GALNT13: variants seen among roughly 807,000 people sequenced by gnomAD.
GALNT13 encodes the protein polypeptide N-acetylgalactosaminyltransferase 13.
In GALNT13, 28 loss-of-function variants were observed where a neutral mutation model predicts 64.2. The observed-to-expected ratio is 0.44, with a 90% CI of 0.32 to 0.60. GALNT13 has a LOEUF of 0.60. Ranked by LOEUF, GALNT13 falls within the 20% of genes least tolerant of loss-of-function variation. GALNT13 has a pLI of 0.05. For missense variants in GALNT13, 577 were observed against 669.8 expected (o/e 0.86, Z 1.53); for synonymous variants, 214 against 224.6 (o/e 0.95, Z 0.42).
intron 1 of GALNT13, among the ~76,000 whole-genome samples, chr2:153,878,772 T>C (rs569608480): frequency 1.3e-5 from 2 of 152,322 alleles, no homozygotes; most frequent in African/African-American, 4.8e-5. Flanking sequence ...TTGGCGAAAG[T>C]GAAGCAGGTT....
At chr2:153,153,045 T>C in the GALNT13 span, among the ~76,000 whole-genome samples, 2 of 152,176 alleles carry the variant, frequency 1.3e-5, no homozygotes, top group East Asian at 3.9e-4. Context: ...AGAGTTCATT[T>C]TTCTCTATAA....
At chr2:153,104,934 G>A in the GALNT13 span, among the ~76,000 whole-genome samples, 1 of 151,412 alleles carries the variant, frequency 6.6e-6, no homozygotes, top group Non-Finnish European at 1.5e-5. Flanking sequence ...TGTGCACAAT[G>A]TGCAGGTTAG....
At chr2:153,285,936 C>T in the GALNT13 span, among the ~76,000 whole-genome samples, 12,607 of 151,832 alleles carry the variant, frequency 0.083, 602 homozygotes, top group South Asian at 0.13. Context: ...TATTATTAAA[C>T]GTTATGATTA....
the GALNT13 span, among the ~76,000 whole-genome samples, chr2:153,544,353 C>G: frequency 6.6e-6 from 1 of 152,172 alleles, no homozygotes. Context: ...TTGATCTCTC[C>G]TTGCTAACAA....
At chr2:153,700,541 G>T in the GALNT13 span, among the ~76,000 whole-genome samples, 1 of 152,096 alleles carries the variant, frequency 6.6e-6, no homozygotes, top group Admixed American at 6.6e-5. Context: ...AGGAAGAGAG[G>T]AAGTCAAATT....
At chr2:154,284,173 ATCAT>A (rs1692125119) in intron 8 of GALNT13, among the ~76,000 whole-genome samples, 1 of 152,142 alleles carries the variant, frequency 6.6e-6, no homozygotes, top group Non-Finnish European at 1.5e-5. Context: ...AAAATACATC[ATCAT>A]TAACTGTGGT....
At chr2:154,268,635 A>G (rs184790351) in intron 8 of GALNT13, among the ~76,000 whole-genome samples, 1 of 152,222 alleles carries the variant, frequency 6.6e-6, no homozygotes, top group Non-Finnish European at 1.5e-5. Context: ...AGAGAGAGAG[A>G]CAGAGAGAGA....
At chr2:153,524,910 G>A in the GALNT13 span, among the ~76,000 whole-genome samples, 1 of 152,156 alleles carries the variant, frequency 6.6e-6, no homozygotes, top group African/African-American at 2.4e-5. Context: ...TGAGATACTA[G>A]CCAGAGTAGC....
At chr2:154,374,975 T>G (rs973581720) in intron 9 of GALNT13, among the ~76,000 whole-genome samples, 3 of 152,086 alleles carry the variant, frequency 2.0e-5, no homozygotes, top group Non-Finnish European at 4.4e-5. Flanking sequence ...TAATCTATAG[T>G]TTTTCACAGA....
At chr2:154,297,438 G>T (rs894850598) in intron 8 of GALNT13, among the ~76,000 whole-genome samples, 2 of 152,164 alleles carry the variant, frequency 1.3e-5, no homozygotes, top group Non-Finnish European at 2.9e-5. Context: ...GGTCAGAAAG[G>T]TGGGGTCCTA....
the GALNT13 span, among the ~76,000 whole-genome samples, chr2:153,131,327 T>C: frequency 7.2e-5 from 11 of 152,338 alleles, no homozygotes; most frequent in East Asian, 1.9e-3. Context: ...TTTTCAAGCA[T>C]GTTTGGTACC....
the GALNT13 span, among the ~76,000 whole-genome samples, chr2:153,332,794 T>C: frequency 1.3e-5 from 2 of 152,070 alleles, no homozygotes; most frequent in Non-Finnish European, 2.9e-5. Flanking sequence ...AATGCATGGG[T>C]GCTCAGAATG....
At position 153,920,563 on chromosome 2, in the gene GALNT13, C is replaced by G. The variant is rs142920687; in HGVS notation, c.-105+19556C>G. The stretch of plus-strand genomic sequence containing the variant: ...CAACCTAGGAAATACCGTGCTGGAC[C>G]TAGAAACTGGCAAAGATTTTATAAC... On this transcript the variant is annotated intron_variant, in intron 2 of 12. Coordinates refer to ENST00000392825, the MANE Select transcript of GALNT13 (RefSeq NM_052917.4). 4.0e-3 allele frequency among the ~76,000 whole-genome samples: 614 copies of G among 152,024 alleles called. 3 individuals carry two copies. Among genetic ancestry groups the G allele is most frequent in the African/African-American group, 0.014 (587 of 41,488 alleles).
chr2:154,306,623 G>GA (rs924180167), intron 9 of GALNT13, among the ~76,000 whole-genome samples: 1 of 149,944 alleles, frequency 6.7e-6, no homozygotes, highest in East Asian at 2.0e-4. Context: ...TTTGGTGGGG[G>GA]GGGGGTCAAG....
intron 3 of GALNT13, among the ~76,000 whole-genome samples, chr2:154,020,749 G>C (rs1326389101): frequency 1.3e-5 from 2 of 150,952 alleles, no homozygotes; most frequent in East Asian, 3.9e-4. Flanking sequence ...CATTGCTTTT[G>C]GTGTTTTAGA....
the GALNT13 span, among the ~76,000 whole-genome samples, chr2:153,176,663 AG>A: frequency 4.6e-5 from 7 of 151,858 alleles, no homozygotes; most frequent in Admixed American, 2.0e-4. Flanking sequence ...AAAGGAGAGA[AG>A]GAAAAAAAGC....
At chr2:154,165,132 C>T (rs1369567827) in intron 4 of GALNT13, among the ~76,000 whole-genome samples, 1 of 152,066 alleles carries the variant, frequency 6.6e-6, no homozygotes, top group Non-Finnish European at 1.5e-5. Flanking sequence ...GCTACTTTCT[C>T]ATTTTTAAGT....
chr2:153,508,837 T>G, the GALNT13 span, among the ~76,000 whole-genome samples: 1 of 152,290 alleles, frequency 6.6e-6, no homozygotes, highest in South Asian at 2.1e-4. Flanking sequence ...AGCTGCATGG[T>G]AGTCCTGACT....
intron 3 of GALNT13, among the ~76,000 whole-genome samples, chr2:154,065,038 A>G (rs981295274): frequency 6.6e-6 from 1 of 151,968 alleles, no homozygotes; most frequent in African/African-American, 2.4e-5. Flanking sequence ...GGCATTCAAC[A>G]CAAGCTGACT....
Sources: allele counts gnomAD v4.1 joint callset (sites outside exome capture counted in the v4.1 genomes callset), GRCh38; gene constraint gnomAD v4.1.1; transcripts MANE v1.5; gene names NCBI Gene and HGNC (gene_info 2026-07-23, HGNC 2026-07-21).